The following F13A1 variants were observed in gnomAD, a reference collection of about 807,000 sequenced individuals.
F13A1 encodes coagulation factor XIII A chain.
F13A1 carries 47 observed loss-of-function variants against 80.1 expected under a neutral mutation model. The observed-to-expected ratio is 0.59, with a 90% confidence interval of 0.46 to 0.75. The LOEUF (loss-of-function observed/expected upper bound fraction) is 0.75. Among genes scored for constraint, F13A1 ranks in the 30% least tolerant of loss-of-function variants. The probability of loss-of-function intolerance (pLI) is 0.00; values close to 1 mark genes in which losing one functional copy is unlikely to be tolerated. For missense variants in F13A1, 817 were observed against 930.4 expected (o/e 0.88, Z 1.59); for synonymous variants, 349 against 344.9 (o/e 1.01, Z -0.13).
At chr6:6,176,777 G>A (rs1192698251) in intron 11 of F13A1, among the ~76,000 whole-genome samples, 1 of 152,220 alleles carries the variant, frequency 6.6e-6, no homozygotes, top group African/African-American at 2.4e-5. Flanking sequence ...GAGATGCATT[G>A]AGGCAAAATG....
At chr6:6,177,244 T>C (rs1760897284) in intron 11 of F13A1, among the ~76,000 whole-genome samples, 1 of 152,188 alleles carries the variant, frequency 6.6e-6, no homozygotes, top group South Asian at 2.1e-4. Context: ...CCCTTTTATG[T>C]TGGACGAAGC....
chr6:6,152,778 A>G (rs989430354), intron 13 of F13A1, among the ~76,000 whole-genome samples: 3 of 152,190 alleles, frequency 2.0e-5, no homozygotes, highest in Non-Finnish European at 4.4e-5. Flanking sequence ...TTAGAACCAT[A>G]TGCTTTTCCA....
At chr6:6,230,806 G>A (rs1176006981) in intron 6 of F13A1, among the ~76,000 whole-genome samples, 1 of 152,178 alleles carries the variant, frequency 6.6e-6, no homozygotes, top group Non-Finnish European at 1.5e-5. Flanking sequence ...CCAGAGCTGG[G>A]TAGACTTGCT....
rs1760246550 is a variant in F13A1 at position 6,144,706 on chromosome 6, A to G, written c.*913T>C. 6.6e-6 allele frequency: 1 copy of G among 152,482 alleles called. No homozygotes were observed. Among genetic ancestry groups the G allele is most frequent in the African/African-American group, 2.4e-5 (1 of 41,456 alleles). 9.4% of individuals were successfully genotyped at this position (152,482 alleles called of 1,614,324 possible). A position where few individuals can be genotyped will look rare whatever the true frequency, so the allele number is the denominator to read the frequency against. On this transcript the variant is annotated 3_prime_UTR_variant, in exon 15 of 15. Coordinates refer to ENST00000264870, the MANE Select transcript of F13A1 (RefSeq NM_000129.4). ...GTCACTAGATCCGCCAGCTTCTTCAACTTGTTGGGCTTATTATATCTCTGA... is the reference window on the plus strand; with the variant it reads ...GTCACTAGATCCGCCAGCTTCTTCAGCTTGTTGGGCTTATTATATCTCTGA...
intron 6 of F13A1, among the ~76,000 whole-genome samples, chr6:6,225,655 A>T (rs1757266711): frequency 6.6e-6 from 1 of 151,954 alleles, no homozygotes; most frequent in Admixed American, 6.6e-5. Context: ...CTACAGGTGT[A>T]TGCTCGGCTA....
chr6:6,318,384 G>A (rs1758716366), intron 2 of F13A1, 151 bp downstream of exon 2: 2 of 1,059,356 alleles, frequency 1.9e-6, no homozygotes, highest in East Asian at 2.5e-5. Flanking sequence ...GAAAGCTTTT[G>A]CTTTCTTCCT....
intron 3 of F13A1, among the ~76,000 whole-genome samples, chr6:6,277,482 G>A (rs1394349782): frequency 6.6e-6 from 1 of 151,902 alleles, no homozygotes; most frequent in Non-Finnish European, 1.5e-5. Context: ...TGTTCTAACT[G>A]CCACAAAGTT....
chr6:6,266,522 A>G (rs372597107), intron 4 of F13A1, 36 bp downstream of exon 4: 1 of 1,614,160 alleles, frequency 6.2e-7, no homozygotes, highest in South Asian at 1.1e-5. Flanking sequence ...AAATAGGTGA[A>G]TTTTTAAATG....
At chr6:6,196,286 T>G (rs1761289428) in intron 9 of F13A1, among the ~76,000 whole-genome samples, 1 of 152,226 alleles carries the variant, frequency 6.6e-6, no homozygotes, top group Non-Finnish European at 1.5e-5. Context: ...TTTTGGACAT[T>G]ATGAACATAT....
At chr6:6,232,019 T>C in intron 6 of F13A1, among the ~76,000 whole-genome samples, 1 of 151,846 alleles carries the variant, frequency 6.6e-6, no homozygotes, top group East Asian at 1.9e-4. Flanking sequence ...AAAATACAAG[T>C]TAAAAAGCAA....
intron 3 of F13A1, among the ~76,000 whole-genome samples, chr6:6,294,459 G>C (rs1430010473): frequency 2.0e-5 from 3 of 151,912 alleles, no homozygotes; most frequent in Non-Finnish European, 4.4e-5. Context: ...CCTATTGTGG[G>C]ACCTTGTGAC....
intron 6 of F13A1, among the ~76,000 whole-genome samples, chr6:6,225,567 G>A (rs1757265492): frequency 6.6e-6 from 1 of 151,964 alleles, no homozygotes; most frequent in Non-Finnish European, 1.5e-5. Context: ...GAATGCAGTG[G>A]CACGATCATG....
intron 13 of F13A1, among the ~76,000 whole-genome samples, chr6:6,163,342 C>A (rs1041540427): frequency 2.0e-5 from 3 of 152,148 alleles, no homozygotes; most frequent in Admixed American, 6.6e-5. Flanking sequence ...TTTTAAAAAA[C>A]CTTTTATTTT....
intron 3 of F13A1, among the ~76,000 whole-genome samples, chr6:6,268,186 G>T (rs2060145340): frequency 6.6e-6 from 1 of 152,138 alleles, no homozygotes; most frequent in South Asian, 2.1e-4. Context: ...AAGTGCTAAG[G>T]ATACAACAGT....
At chr6:6,223,333 C>A (rs1318804965) in intron 7 of F13A1, among the ~76,000 whole-genome samples, 1 of 152,140 alleles carries the variant, frequency 6.6e-6, no homozygotes, top group Non-Finnish European at 1.5e-5. Context: ...TTGTTGTGAG[C>A]CGGAAGGAAT....
At chr6:6,217,684 A>T (rs565212382) in intron 8 of F13A1, among the ~76,000 whole-genome samples, 22 of 152,084 alleles carry the variant, frequency 1.4e-4, no homozygotes, top group Middle Eastern at 3.4e-3. Flanking sequence ...ATAATAATAA[A>T]AATAAATAAA....
At chr6:6,219,858 T>G (rs917807440) in intron 8 of F13A1, among the ~76,000 whole-genome samples, 14 of 152,212 alleles carry the variant, frequency 9.2e-5, no homozygotes, top group Non-Finnish European at 1.9e-4. Flanking sequence ...CTTGGGTTGA[T>G]GGAAACATAT....
At chr6:6,174,530 C>T (rs1249729250) in intron 12 of F13A1, 50 bp downstream of exon 12, 8 of 1,600,316 alleles carry the variant, frequency 5.0e-6, no homozygotes, top group Admixed American at 1.7e-5. Flanking sequence ...CCTAGCAAGA[C>T]AGGGGCCAGA....
At chr6:6,223,627 A>C (rs1757232104) in intron 7 of F13A1, among the ~76,000 whole-genome samples, 1 of 152,178 alleles carries the variant, frequency 6.6e-6, no homozygotes, top group Non-Finnish European at 1.5e-5. Flanking sequence ...ATGGCTAAGA[A>C]AATAATCTTA....
Sources: gnomAD v4.1 joint callset for allele counts (sites outside exome capture counted in the v4.1 genomes callset) on GRCh38, gnomAD v4.1.1 for gene constraint, MANE v1.5 for transcripts, NCBI Gene and HGNC (gene_info 2026-07-23, HGNC 2026-07-21) for gene names.